TXLNG: variants seen among roughly 807,000 people sequenced by gnomAD.
The protein encoded by TXLNG is gamma-taxilin.
In TXLNG, 5 loss-of-function variants were observed where a neutral mutation model predicts 38.8. The ratio of observed to expected loss-of-function variants is 0.13; its 90% confidence interval spans 0.07 to 0.27. The LOEUF (loss-of-function observed/expected upper bound fraction) is 0.27. Among genes scored for constraint, TXLNG ranks in the 10% least tolerant of loss-of-function variants. TXLNG has a pLI of 1.00. For missense variants in TXLNG, 393 were observed against 398.2 expected, an observed-to-expected ratio of 0.99 and a Z score of 0.11; for synonymous variants, 182 against 158.2, an observed-to-expected ratio of 1.15 and a Z score of -1.13.
At chrX:16,793,530 T>G (rs766571542) in intron 1 of TXLNG, among the ~76,000 whole-genome samples, 1 of 110,666 alleles carries the variant, frequency 9.0e-6, no homozygotes, top group East Asian at 2.8e-4. Context: ...CTCAAGGTAG[T>G]AGAATGGTTT....
At chrX:16,814,647 A>G (rs1322409687) in intron 1 of TXLNG, among the ~76,000 whole-genome samples, 1 of 111,402 alleles carries the variant, frequency 9.0e-6, no homozygotes, top group Non-Finnish European at 1.9e-5. Context: ...AAAAGGCCAC[A>G]TATTGTATAG....
In TXLNG at chrX:16,828,276, C is replaced by T; in HGVS notation, c.669+12C>T. 1 of 1,181,359 alleles carries T rather than the reference C, an allele frequency of 8.5e-7. No individual in the cohort carries two copies. ...ATAAGACGTTAAAGGTTAGTTGCTT[C>T]ATTTGTCTGTTTTTTTCAGGAGGGA... is the stretch of plus-strand genomic sequence containing the variant. On this transcript the variant is annotated intron_variant, in intron 4 of 9. Coordinates refer to ENST00000380122, the MANE Select transcript of TXLNG (RefSeq NM_018360.3).
At chrX:16,826,263 A>G (rs1327077686) in intron 3 of TXLNG, among the ~76,000 whole-genome samples, 4 of 112,075 alleles carry the variant, frequency 3.6e-5, no homozygotes, top group Non-Finnish European at 7.5e-5. Flanking sequence ...TTACAAAATT[A>G]TGCAAAAACA....
At chrX:16,801,938 TTTTC>T (rs1444539958) in intron 1 of TXLNG, among the ~76,000 whole-genome samples, 1 of 99,013 alleles carries the variant, frequency 1.0e-5, no homozygotes, top group Non-Finnish European at 2.0e-5. Flanking sequence ...AGTGATTTTT[TTTTC>T]TTTCTTTCTT....
At chrX:16,788,297 G>C (rs758567780) in intron 1 of TXLNG, among the ~76,000 whole-genome samples, 1 of 112,114 alleles carries the variant, frequency 8.9e-6, no homozygotes, top group Non-Finnish European at 1.9e-5. Flanking sequence ...AAATAACCAA[G>C]ATAGGAGGTA....
intron 5 of TXLNG, 44 bp from the exon 6 acceptor site, chrX:16,832,579 C>G (rs1232198711): frequency 1.9e-5 from 23 of 1,208,756 alleles, no homozygotes; most frequent in Admixed American, 4.4e-5. Context: ...CCACTGTGTT[C>G]CTTTCTTTGG....
intron 7 of TXLNG, among the ~76,000 whole-genome samples, chrX:16,836,135 A>T (rs763943490): frequency 8.9e-6 from 1 of 111,906 alleles, no homozygotes; most frequent in Non-Finnish European, 1.9e-5. Flanking sequence ...GTGTGTGCCT[A>T]CAGTCCCCTC....
Position 16,829,465 on chromosome X carries a change from A to G in TXLNG, c.670-111A>G, listed in dbSNP as rs1385533397. 4.1e-6 allele frequency: 3 copies of G among 732,406 alleles called. No homozygotes were observed. In the African/African-American group the frequency reaches 6.5e-5, roughly 16 times the overall value. 60.4% of individuals were successfully genotyped at this position (732,406 alleles called of 1,213,427 possible). A position where few individuals can be genotyped will look rare whatever the true frequency, so the allele number is the denominator to read the frequency against. On this transcript the variant is annotated intron_variant, in intron 4 of 9. Transcript: ENST00000380122. Reference sequence around the variant, plus strand: ...AAATAAGGGGGAGGAATTGTAGTTCAGAAGCAACACGTCAGGGCAGCAACA... The same window carrying G: ...AAATAAGGGGGAGGAATTGTAGTTCGGAAGCAACACGTCAGGGCAGCAACA...
At chrX:16,808,946 C>T (rs1043816023) in intron 1 of TXLNG, among the ~76,000 whole-genome samples, 4 of 111,429 alleles carry the variant, frequency 3.6e-5, no homozygotes, top group African/African-American at 1.3e-4. Flanking sequence ...ATGTTTTCTC[C>T]CTCCAACATC....
rs768784135 is a variant in TXLNG, at chrX:16,818,855, C to A, written c.384C>A (p.Asn128Lys). The A allele has an allele frequency of 5.0e-6, 6 of 1,201,583 alleles. No homozygotes were observed. In the East Asian group the frequency reaches 8.9e-5, roughly 18 times the overall value. Reference sequence around the variant, plus strand: ...ATGGTCAGCAAGATTCAGAGTGCAACAGGAACAAAGAAAAAACTTTAGGTA... The same window carrying A: ...ATGGTCAGCAAGATTCAGAGTGCAAAAGGAACAAAGAAAAAACTTTAGGTA... ...PPDGQQDSECNRNKEKTLGKE... is the reference protein window; with the variant it reads ...PPDGQQDSECKRNKEKTLGKE... The change falls in exon 2 of 10, where the codon AAC becomes AAA. Residue 128 changes from asparagine to lysine, a missense_variant. Transcript: ENST00000380122.
intron 4 of TXLNG, 91 bp from the exon 5 acceptor site, chrX:16,829,485 G>A: frequency 2.3e-6 from 2 of 877,325 alleles, no homozygotes; most frequent in Non-Finnish European, 3.2e-6. Flanking sequence ...CGTCAGGGCA[G>A]CAACAAATGA....
intron 1 of TXLNG, among the ~76,000 whole-genome samples, chrX:16,817,295 G>C (rs1928781279): frequency 8.9e-6 from 1 of 112,339 alleles, no homozygotes; most frequent in African/African-American, 3.2e-5. Flanking sequence ...AACTGGGTTA[G>C]AAGGTATCCA....
At chrX:16,810,658 C>G (rs1889324930) in intron 1 of TXLNG, among the ~76,000 whole-genome samples, 1 of 112,299 alleles carries the variant, frequency 8.9e-6, no homozygotes, top group Admixed American at 9.5e-5. Flanking sequence ...TACTGTCTTG[C>G]TTCTAATGAT....
chrX:16,841,536 G>C lies in TXLNG; in HGVS notation c.1357G>C (p.Glu453Gln), dbSNP rs762597618. 1.7e-6 allele frequency: 2 copies of C among 1,211,917 alleles called. No individual in the cohort carries two copies. The highest frequency in any genetic ancestry group is 4.3e-5 in the Admixed American group (2 of 46,056). The part of the protein sequence containing the change: ...TERNELNEKV[E>Q]VLKEQVSIKA... ...AAGGAATGAGCTCAATGAGAAGGTG[G>C]AAGTCCTGAAAGAGCAGGTATCCAT... The change falls in exon 10 of 10, where the codon GAA (glutamate) becomes CAA (glutamine). Residue 453 changes from glutamate (E) to glutamine (Q), a missense_variant. Glu to Gln is a conservative substitution (Grantham distance 29). Coordinates refer to ENST00000380122, the MANE Select transcript of TXLNG (RefSeq NM_018360.3).
chrX:16,806,700 G>A (rs1434194126), intron 1 of TXLNG, among the ~76,000 whole-genome samples: 2 of 110,413 alleles, frequency 1.8e-5, no homozygotes, highest in Non-Finnish European at 3.8e-5. Context: ...AGTGGATCAT[G>A]AGGTCAGGAG....
Position 16,814,333 on chromosome X carries a change from G to T in TXLNG, c.103-4241G>T, listed in dbSNP as rs1467301966. Among the ~76,000 whole-genome samples the T allele has an allele frequency of 4.5e-5, 5 of 112,079 alleles. No individual in the cohort carries two copies. In the Admixed American group the frequency reaches 4.7e-4, roughly 11 times the overall value. On this transcript the variant is annotated intron_variant, in intron 1 of 9. Transcript: ENST00000380122. ...TGCCACATGCAAATAGGCAGACTCA[G>T]CCCGGTGTGGTGGTTCACACCTGTA... is the stretch of plus-strand genomic sequence containing the variant.
At chrX:16,788,971 A>C (rs779022796) in intron 1 of TXLNG, among the ~76,000 whole-genome samples, 1 of 111,966 alleles carries the variant, frequency 8.9e-6, no homozygotes, top group East Asian at 2.8e-4. Context: ...ACTGGCCAAA[A>C]ATTTTTTTAA....
At chrX:16,794,748 T>C (rs958592025) in intron 1 of TXLNG, among the ~76,000 whole-genome samples, 5 of 111,668 alleles carry the variant, frequency 4.5e-5, no homozygotes, top group Non-Finnish European at 7.5e-5. Flanking sequence ...TCTAAGAGTC[T>C]GTGGCTTAAA....
In TXLNG at chrX:16,816,622, TTA is replaced by T. The variant is rs759613653; in HGVS notation, c.103-1951_103-1950del. ...TAAGTTTTTTCTATCTGAATTAGGC[TTA>T]GAGTGTGGCATCAAACCATAACTCT... is the stretch of plus-strand genomic sequence containing the variant. On this transcript the variant is annotated intron_variant, in intron 1 of 9. Coordinates refer to ENST00000380122, the MANE Select transcript of TXLNG (RefSeq NM_018360.3). Among the ~76,000 whole-genome samples the T allele has an allele frequency of 3.6e-5, 4 of 112,567 alleles. No homozygotes were observed. In the South Asian group the frequency reaches 1.4e-3, roughly 41 times the overall value.
Sources: gnomAD v4.1 joint callset for allele counts (sites outside exome capture counted in the v4.1 genomes callset) on GRCh38, gnomAD v4.1.1 for gene constraint, MANE v1.5 for transcripts, NCBI Gene and HGNC (gene_info 2026-07-23, HGNC 2026-07-21) for gene names.